ZNF385D: variants seen among roughly 807,000 people sequenced by gnomAD.
ZNF385D encodes zinc finger protein 385D.
Under a neutral mutation model 35.8 loss-of-function variants are expected in ZNF385D, and 15 were observed. That is an observed-to-expected ratio of 0.42 (90% CI 0.28 to 0.64). The LOEUF (loss-of-function observed/expected upper bound fraction) is 0.64, where lower values mean the gene tolerates loss of function less well. Ranked by LOEUF, ZNF385D falls within the 30% of genes least tolerant of loss-of-function variation. The probability of loss-of-function intolerance (pLI) is 0.23; values close to 1 mark genes in which losing one functional copy is unlikely to be tolerated. For missense variants in ZNF385D, 474 were observed against 494.6 expected (o/e 0.96, Z 0.39); for synonymous variants, 212 against 186.8 (o/e 1.13, Z -1.10).
chr3:22,133,296 C>T (rs1431980697), intron 3 of ZNF385D, among the ~76,000 whole-genome samples: 2 of 151,802 alleles, frequency 1.3e-5, no homozygotes, highest in East Asian at 1.9e-4. Flanking sequence ...ACATGAAAAT[C>T]TGAAGTTTAA....
At chr3:21,461,520 C>G (rs932947960) in intron 4 of ZNF385D, among the ~76,000 whole-genome samples, 1 of 152,120 alleles carries the variant, frequency 6.6e-6, no homozygotes, top group Non-Finnish European at 1.5e-5. Flanking sequence ...TGCACTCCAG[C>G]CTGGGCAATG....
chr3:22,201,400 A>G (rs746664428), intron 2 of ZNF385D, among the ~76,000 whole-genome samples: 21 of 152,152 alleles, frequency 1.4e-4, no homozygotes, highest in Non-Finnish European at 2.4e-4. Flanking sequence ...AAAATAGTAG[A>G]GGTAGCTATC....
chr3:22,345,546 G>A (rs1199249770), intron 2 of ZNF385D, among the ~76,000 whole-genome samples: 1 of 152,190 alleles, frequency 6.6e-6, no homozygotes. Flanking sequence ...CACATCCCCT[G>A]CTATCATGGA....
intron 3 of ZNF385D, among the ~76,000 whole-genome samples, chr3:21,762,736 C>T (rs7643767): frequency 0.29 from 43,812 of 152,032 alleles, 6,624 homozygotes; most frequent in Middle Eastern, 0.44. Context: ...GAGGTATCAT[C>T]TCAGCTGTGG....
chr3:22,215,725 A>G (rs952363953), intron 2 of ZNF385D, among the ~76,000 whole-genome samples: 2 of 151,990 alleles, frequency 1.3e-5, no homozygotes, highest in African/African-American at 4.8e-5. Context: ...CTTGTGAAGC[A>G]TGTGATCTCT....
At chr3:21,464,293 A>C (rs1303728436) in intron 4 of ZNF385D, among the ~76,000 whole-genome samples, 2 of 152,230 alleles carry the variant, frequency 1.3e-5, no homozygotes, top group Non-Finnish European at 2.9e-5. Flanking sequence ...TTATATTCTC[A>C]AATGGAAAAC....
intron 3 of ZNF385D, among the ~76,000 whole-genome samples, chr3:21,996,904 C>G (rs1245685904): frequency 2.0e-5 from 3 of 152,162 alleles, no homozygotes. Context: ...ATAACTTATT[C>G]TGGCATCCTT....
intron 3 of ZNF385D, among the ~76,000 whole-genome samples, chr3:22,031,114 C>T (rs924057254): frequency 3.3e-5 from 5 of 152,232 alleles, no homozygotes; most frequent in African/African-American, 1.2e-4. Flanking sequence ...AGGATTCAGC[C>T]ACGTGGCTGC....
At chr3:22,149,792 G>A (rs373879608) in intron 3 of ZNF385D, among the ~76,000 whole-genome samples, 25 of 152,170 alleles carry the variant, frequency 1.6e-4, no homozygotes, top group South Asian at 6.2e-4. Context: ...AAGACAATGC[G>A]CTTTTCTCAC....
chr3:22,008,218 T>A (rs1696337761), intron 3 of ZNF385D, among the ~76,000 whole-genome samples: 1 of 152,122 alleles, frequency 6.6e-6, no homozygotes, highest in Non-Finnish European at 1.5e-5. Flanking sequence ...TAAGGTAGAC[T>A]AGGAAAATAC....
chr3:22,297,785 C>T (rs1044350404), intron 2 of ZNF385D, among the ~76,000 whole-genome samples: 2 of 151,852 alleles, frequency 1.3e-5, no homozygotes, highest in Admixed American at 6.6e-5. Flanking sequence ...ACATAAAAAC[C>T]TTTAAAATGA....
chr3:21,594,073 G>A (rs962636877), intron 2 of ZNF385D, among the ~76,000 whole-genome samples: 1 of 152,146 alleles, frequency 6.6e-6, no homozygotes, highest in South Asian at 2.1e-4. Flanking sequence ...AAGAACACAG[G>A]GAATGAAAGG....
In ZNF385D at chr3:21,994,284, A is replaced by T. The variant is rs556760389; in HGVS notation, c.325+174533T>A. Among the ~76,000 whole-genome samples the T allele has an allele frequency of 2.6e-5, 4 of 152,346 alleles. No individual in the cohort carries two copies. In the East Asian group the frequency reaches 7.7e-4, roughly 29 times the overall value. ...AGCAAATTGGAGATATGATACAGGG[A>T]AAGTGATAAGTTGAGATTATGCCAA... On this transcript the variant is annotated intron_variant, in intron 3 of 5. Coordinates refer to the ZNF385D transcript ENST00000494108.
intron 3 of ZNF385D, among the ~76,000 whole-genome samples, chr3:21,977,602 T>C (rs1305291486): frequency 6.6e-6 from 1 of 152,032 alleles, no homozygotes; most frequent in Non-Finnish European, 1.5e-5. Flanking sequence ...GAAGAGTGCT[T>C]GAGGACAGGA....
chr3:22,278,831 T>C (rs926867634), intron 2 of ZNF385D, among the ~76,000 whole-genome samples: 4 of 152,116 alleles, frequency 2.6e-5, no homozygotes, highest in Non-Finnish European at 5.9e-5. Context: ...GGCTATCTTG[T>C]GGGGTCTGGG....
chr3:21,747,689 G>A (rs1451339742), intron 1 of ZNF385D, among the ~76,000 whole-genome samples: 2 of 152,140 alleles, frequency 1.3e-5, no homozygotes, highest in African/African-American at 4.8e-5. Context: ...GCAATTGCTG[G>A]GGTGCACTCA....
intron 2 of ZNF385D, among the ~76,000 whole-genome samples, chr3:21,616,266 G>A (rs574635904): frequency 4.6e-5 from 7 of 152,238 alleles, no homozygotes; most frequent in African/African-American, 1.7e-4. Flanking sequence ...AGAATCCGGG[G>A]TGACTACAAT....
chr3:21,532,349 A>G (rs901791101), intron 3 of ZNF385D, among the ~76,000 whole-genome samples: 2 of 152,182 alleles, frequency 1.3e-5, no homozygotes, highest in Admixed American at 6.5e-5. Context: ...TAGCATTGTA[A>G]TATATCAGTG....
Position 21,423,224 on chromosome 3 carries a change from CATAAT to C in ZNF385D, c.954+734_954+738del, listed in dbSNP as rs1700827164. On this transcript the variant is annotated intron_variant, in intron 7 of 7. Coordinates refer to ENST00000281523, the MANE Select transcript of ZNF385D (RefSeq NM_024697.3). ...AACAGGACAGCTTGTACTGGGGTCT[CATAAT>C]AGATAATTGCAGTTTTCCTTTATTT... Among the ~76,000 whole-genome samples, 8 of 152,198 alleles carry C rather than the reference CATAAT, an allele frequency of 5.3e-5. 1 individual carries two copies. The South Asian group carries it at 1.7e-3, about 31-fold the overall frequency.
Sources: allele counts gnomAD v4.1 joint callset (sites outside exome capture counted in the v4.1 genomes callset), GRCh38; gene constraint gnomAD v4.1.1; transcripts MANE v1.5; gene names NCBI Gene and HGNC (gene_info 2026-07-23, HGNC 2026-07-21).